The following MYO18A variants were observed in gnomAD, a reference collection of about 807,000 sequenced individuals.
MYO18A encodes the protein myosin XVIIIA.
Under a neutral mutation model 235.8 loss-of-function variants are expected in MYO18A, and 78 were observed. The ratio of observed to expected loss-of-function variants is 0.33; its 90% confidence interval spans 0.28 to 0.40. MYO18A has a LOEUF of 0.40. Ranked by LOEUF, MYO18A falls within the 10% of genes least tolerant of loss-of-function variation. The pLI, the probability that MYO18A is intolerant of heterozygous loss-of-function variation, is 1.00. For missense variants in MYO18A, 2,215 were observed against 2,699.3 expected, an observed-to-expected ratio of 0.82 and a Z score of 3.98; for synonymous variants, 977 against 1,077.8, an observed-to-expected ratio of 0.91 and a Z score of 1.83.
intron 2 of MYO18A, among the ~76,000 whole-genome samples, chr17:29,156,324 T>C (rs565154364): frequency 3.4e-4 from 52 of 152,274 alleles, no homozygotes; most frequent in African/African-American, 1.2e-3. Flanking sequence ...CTGAATCTTC[T>C]TCTCACCCAA....
chr17:29,148,449 C>T (rs1294184490), intron 2 of MYO18A, among the ~76,000 whole-genome samples: 1 of 152,216 alleles, frequency 6.6e-6, no homozygotes, highest in Non-Finnish European at 1.5e-5. Context: ...GTGGCAGGTG[C>T]ACTTCCAGGA....
At chr17:29,131,929 C>G (rs1001937048) in intron 2 of MYO18A, among the ~76,000 whole-genome samples, 3 of 152,210 alleles carry the variant, frequency 2.0e-5, no homozygotes, top group African/African-American at 7.2e-5. Flanking sequence ...TGAAGGTTGG[C>G]CCCTACTGGG....
intron 40 of MYO18A, among the ~76,000 whole-genome samples, chr17:29,085,334 G>A (rs1389807047): frequency 6.6e-6 from 1 of 152,216 alleles, no homozygotes; most frequent in East Asian, 1.9e-4. Flanking sequence ...TCTCAAATAG[G>A]CTGCGCTTTC....
chr17:29,080,764 C>A (rs1440458515), intron 41 of MYO18A: 3 of 985,442 alleles, frequency 3.0e-6, no homozygotes, highest in Non-Finnish European at 3.6e-6. Context: ...GCGGACGGAG[C>A]CGCACTCCTC....
intron 2 of MYO18A, among the ~76,000 whole-genome samples, chr17:29,164,772 A>T (rs998459300): frequency 5.9e-5 from 9 of 152,198 alleles, no homozygotes; most frequent in African/African-American, 2.2e-4. Flanking sequence ...GACCCCTGGG[A>T]TTAGTGAGCT....
intron 22 of MYO18A, 135 bp downstream of exon 22, chr17:29,099,499 C>T: frequency 1.6e-6 from 2 of 1,221,280 alleles, no homozygotes; most frequent in South Asian, 1.6e-5. Flanking sequence ...CAGGGAGCTG[C>T]CTGTTCCCCA....
At chr17:29,090,732 G>T in intron 35 of MYO18A, 78 bp downstream of exon 35, 1 of 1,531,766 alleles carries the variant, frequency 6.5e-7, no homozygotes, top group Non-Finnish European at 9.0e-7. Flanking sequence ...AAAACAAGCG[G>T]TTGTGCGGGG....
intron 28 of MYO18A, among the ~76,000 whole-genome samples, chr17:29,096,001 A>C (rs930693360): frequency 6.6e-6 from 1 of 152,132 alleles, no homozygotes; most frequent in African/African-American, 2.4e-5. Flanking sequence ...GAGGAATAGA[A>C]AACCTTCCTA....
chr17:29,087,235 G>A lies in MYO18A; in HGVS notation c.5527-114C>T, dbSNP rs114622641. On this transcript the variant is annotated intron_variant, in intron 37 of 41. Transcript: ENST00000527372. ...CCTGGGGTCGAGCTCTGGCTCCACCGTTCATTGGCTACCTGGGCAAGCAAC... is the reference window on the plus strand; with the variant it reads ...CCTGGGGTCGAGCTCTGGCTCCACCATTCATTGGCTACCTGGGCAAGCAAC... The A allele has an allele frequency of 1.4e-3, 1,560 of 1,102,924 alleles. 11 individuals carry two copies. Among genetic ancestry groups the A allele is most frequent in the African/African-American group, 0.013 (805 of 63,732 alleles). 68.3% of individuals were successfully genotyped at this position (1,102,924 alleles called of 1,614,324 possible).
chr17:29,144,548 G>A (rs2067807414), intron 2 of MYO18A, among the ~76,000 whole-genome samples: 1 of 152,286 alleles, frequency 6.6e-6, no homozygotes, highest in South Asian at 2.1e-4. Flanking sequence ...TCTGACCTAA[G>A]GGAAAGTTAC....
In MYO18A at chr17:29,106,936, G is replaced by A; in HGVS notation, c.3441+144C>T. ...CCAGCTCCTATGGTCTGGGCCCCAG[G>A]ACACAGCTGGGTGCTTCCAAAACTG... On this transcript the variant is annotated intron_variant, in intron 20 of 41. Coordinates refer to ENST00000527372, the MANE Select transcript of MYO18A (RefSeq NM_078471.4). The surrounding 1 kb of genome is among the most constrained non-coding windows in gnomAD (Gnocchi z 4.6). 1.3e-6 allele frequency: 1 copy of A among 770,000 alleles called. No individual in the cohort carries two copies. Among genetic ancestry groups the A allele is most frequent in the Non-Finnish European group, 2.2e-6 (1 of 460,810 alleles). 47.7% of individuals were successfully genotyped at this position (770,000 alleles called of 1,614,324 possible).
chr17:29,166,399 C>T lies in MYO18A; in HGVS notation c.542G>A (p.Gly181Asp). The change falls in exon 2 of 42, where the codon GGC (glycine) becomes GAC (aspartate). Residue 181 changes from glycine (G) to aspartate (D), a missense_variant. Physicochemically the swap from Gly to Asp is moderately conservative, Grantham distance 94. Coordinates refer to ENST00000527372, the MANE Select transcript of MYO18A (RefSeq NM_078471.4). ...TLEGQLVQHP[G>D]PGIPRPGHRS... ...GTGCCCTGGTCGAGGGATGCCTGGG[C>T]CAGGATGCTGCACCAGCTGTCCCTC... is the stretch of plus-strand genomic sequence containing the variant. The T allele has an allele frequency of 6.2e-7, 1 of 1,613,776 alleles. No homozygotes were observed. The highest frequency in any genetic ancestry group is 8.5e-7 in the Non-Finnish European group (1 of 1,179,882).
At chr17:29,134,101 TTTTTTA>T (rs1184496397) in intron 2 of MYO18A, among the ~76,000 whole-genome samples, 2 of 152,190 alleles carry the variant, frequency 1.3e-5, no homozygotes, top group East Asian at 1.9e-4. Flanking sequence ...TTGTTTTTAT[TTTTTTA>T]TTTTTATTTT....
At chr17:29,157,115 G>C (rs1412479364) in intron 2 of MYO18A, among the ~76,000 whole-genome samples, 1 of 152,180 alleles carries the variant, frequency 6.6e-6, no homozygotes, top group East Asian at 1.9e-4. Flanking sequence ...AGGTGAGAGG[G>C]GCAACGTCCC....
chr17:29,121,561 C>T lies in MYO18A; in HGVS notation c.1357G>A (p.Val453Met), dbSNP rs2081633409. The T allele has an allele frequency of 6.2e-7, 1 of 1,604,016 alleles. No individual in the cohort carries two copies. Among genetic ancestry groups the T allele is most frequent in the African/African-American group, 1.3e-5 (1 of 74,920 alleles). The part of the protein sequence containing the change: ...LVLGPRGAPA[V>M]YSEKVMHMFK... ...GGGTGCTGCACCTTCTCAGAGTACA[C>T]AGCAGGGGCCCCACGGGGGCCAAGA... Residue 453 changes from valine (V) to methionine (M), a missense_variant, in exon 5 of 42, where the codon GTG (valine) becomes ATG (methionine). Val to Met is a conservative substitution (Grantham distance 21). Transcript: ENST00000527372. The surrounding 1 kb of genome is among the most constrained non-coding windows in gnomAD (Gnocchi z 4.2).
chr17:29,100,558 C>T (rs1484076538), intron 21 of MYO18A, among the ~76,000 whole-genome samples: 7 of 152,148 alleles, frequency 4.6e-5, no homozygotes, highest in Non-Finnish European at 5.9e-5. Flanking sequence ...TCTGTGCCGC[C>T]CTGAGATAGG....
At chr17:29,177,699 A>G (rs976572513) in intron 1 of MYO18A, among the ~76,000 whole-genome samples, 1 of 152,186 alleles carries the variant, frequency 6.6e-6, no homozygotes, top group African/African-American at 2.4e-5. Context: ...TACAGCAGAC[A>G]GTGGGCTGGG....
At position 29,121,097 on chromosome 17, in the gene MYO18A, G is replaced by A. The variant is rs1449452019; in HGVS notation, c.1486C>T (p.Leu496Phe). ...LMSRQDQSII[L>F]LGSSGSGKTT... Reference sequence around the variant, plus strand: ...TTGCCACTGCCACTACTGCCCAGGAGGATGATTGACTGATCCTGACGGCTC... The same window carrying A: ...TTGCCACTGCCACTACTGCCCAGGAAGATGATTGACTGATCCTGACGGCTC... The change falls in exon 6 of 42, where the codon CTC becomes TTC. Residue 496 changes from leucine (L) to phenylalanine (F), a missense_variant. By Grantham distance (22) the Leu-to-Phe change is conservative. Coordinates refer to ENST00000527372, the MANE Select transcript of MYO18A (RefSeq NM_078471.4). The surrounding 1 kb of genome is among the most constrained non-coding windows in gnomAD (Gnocchi z 4.2). The A allele has an allele frequency of 1.9e-6, 3 of 1,612,374 alleles. No homozygotes were observed. The highest frequency in any genetic ancestry group is 1.6e-4 in the Middle Eastern group (1 of 6,078).
At chr17:29,116,570 G>T in intron 10 of MYO18A, 115 bp from the exon 11 acceptor site, 1 of 1,155,558 alleles carries the variant, frequency 8.7e-7, no homozygotes, top group Non-Finnish European at 1.3e-6. Context: ...TTGTGAGGAT[G>T]AGTAGGCAAG....
Sources: allele counts gnomAD v4.1 joint callset (sites outside exome capture counted in the v4.1 genomes callset), GRCh38; gene constraint gnomAD v4.1.1; non-coding constraint Gnocchi (gnomAD v3.1); transcripts MANE v1.5; gene names NCBI Gene and HGNC (gene_info 2026-07-23, HGNC 2026-07-21).